NFX1: variants seen among roughly 807,000 people sequenced by gnomAD.
NFX1 encodes nuclear transcription factor, X-box binding 1.
NFX1 carries 69 observed loss-of-function variants against 137.2 expected under a neutral mutation model. The ratio of observed to expected loss-of-function variants is 0.50; its 90% CI spans 0.41 to 0.61. NFX1 has a LOEUF of 0.61. Among genes scored for constraint, NFX1 ranks in the 20% least tolerant of loss-of-function variants. NFX1 has a pLI of 0.00. For synonymous variants in NFX1, 495 were observed against 474.1 expected (o/e 1.04, Z -0.57); for missense variants, 1,167 against 1,391.0 (o/e 0.84, Z 2.56).
chr9:33,368,751 G>C (rs570860319), intron 23 of NFX1, among the ~76,000 whole-genome samples: 1 of 152,202 alleles, frequency 6.6e-6, no homozygotes, highest in South Asian at 2.1e-4. Flanking sequence ...CCTCTGAAGG[G>C]TGGTTACGGC....
chr9:33,291,855 A>G (rs549851409), intron 1 of NFX1, among the ~76,000 whole-genome samples: 1 of 152,308 alleles, frequency 6.6e-6, no homozygotes, highest in East Asian at 1.9e-4. Context: ...GTGAGCCAAG[A>G]TCGTGCCACT....
intron 19 of NFX1, among the ~76,000 whole-genome samples, chr9:33,362,788 C>G (rs532398279): frequency 1.4e-5 from 2 of 140,556 alleles, no homozygotes. Flanking sequence ...ACTGCAAGCT[C>G]TGCCTCCCGG....
In NFX1 at chr9:33,292,313, C is replaced by T. The variant is rs964629007; in HGVS notation, c.25+1716C>T. Among the ~76,000 whole-genome samples the T allele has an allele frequency of 1.8e-4, 28 of 152,346 alleles. 1 individual carries two copies. Among genetic ancestry groups the T allele is most frequent in the African/African-American group, 6.7e-4 (28 of 41,574 alleles). ...ATTTTAGCATCATCTTTAGCCCACA[C>T]CCTCATCATCAAAGTCTTTAAACAG... is the stretch of plus-strand genomic sequence containing the variant. On this transcript the variant is annotated intron_variant, in intron 1 of 23. Transcript: ENST00000379540.
chr9:33,314,739 A>G (rs1311684267), intron 7 of NFX1, among the ~76,000 whole-genome samples: 2 of 152,166 alleles, frequency 1.3e-5, no homozygotes, highest in African/African-American at 2.4e-5. Context: ...ATTTTTCATA[A>G]TAAAAATTAG....
At chr9:33,325,711 T>G (rs1404964797) in intron 9 of NFX1, among the ~76,000 whole-genome samples, 1 of 152,062 alleles carries the variant, frequency 6.6e-6, no homozygotes, top group Non-Finnish European at 1.5e-5. Flanking sequence ...GAATCTTACA[T>G]CTCATGAAAC....
At position 33,294,580 on chromosome 9, in the gene NFX1, T is replaced by C. The variant is rs769042634; in HGVS notation, c.186T>C (p.Tyr62=). Residue 62 remains tyrosine, a synonymous_variant, in exon 2 of 24, where the codon TAT becomes TAC. Transcript: ENST00000379540. ...PPCHLSRQVP[Y]DEISAVHQHS... Reference sequence around the variant, plus strand: ...GTCACCTTTCCAGGCAGGTCCCTTATGATGAAATCTCTGCTGTTCATCAGC... The same window carrying C: ...GTCACCTTTCCAGGCAGGTCCCTTACGATGAAATCTCTGCTGTTCATCAGC... The C allele has an allele frequency of 6.2e-7, 1 of 1,614,202 alleles. No individual in the cohort carries two copies. Among genetic ancestry groups the C allele is most frequent in the Non-Finnish European group, 8.5e-7 (1 of 1,180,038 alleles).
At chr9:33,301,468 C>T (rs771993876) in intron 3 of NFX1, 47 bp downstream of exon 3, 50 of 1,559,178 alleles carry the variant, frequency 3.2e-5, no homozygotes, top group Non-Finnish European at 4.1e-5. Context: ...CTATTTGATA[C>T]GTTTAAGTAT....
At chr9:33,357,689 G>C (rs1027793694) in intron 19 of NFX1, among the ~76,000 whole-genome samples, 2 of 151,012 alleles carry the variant, frequency 1.3e-5, no homozygotes, top group Non-Finnish European at 2.9e-5. Context: ...ACACCACTAC[G>C]CCTGGCTAAG....
chr9:33,346,946 A>C (rs1412013814), intron 14 of NFX1, 92 bp from the exon 15 acceptor site: 35 of 907,342 alleles, frequency 3.9e-5, no homozygotes, highest in Non-Finnish European at 5.4e-5. Flanking sequence ...TGAATTTAAA[A>C]GTTTCATGCC....
rs1821786154 is a variant in NFX1, at chr9:33,307,274, C to G, written c.1351C>G (p.Gln451Glu). 6.2e-7 allele frequency: 1 copy of G among 1,613,962 alleles called. No individual in the cohort carries two copies. The highest frequency in any genetic ancestry group is 8.5e-7 in the Non-Finnish European group (1 of 1,179,966). ...GGTTTGTAGAAAGAAACAGCCTGGCCAGGACTGCCCACATTCCTGTAACCT... is the reference window on the plus strand; with the variant it reads ...GGTTTGTAGAAAGAAACAGCCTGGCGAGGACTGCCCACATTCCTGTAACCT... ...GEVCRKKQPGQDCPHSCNLLC... is the reference protein window; with the variant it reads ...GEVCRKKQPGEDCPHSCNLLC... The change falls in exon 5 of 24, where the codon CAG becomes GAG. Residue 451 changes from glutamine (Q) to glutamate (E), a missense_variant. By Grantham distance (29) the Gln-to-Glu change is conservative. Around this residue, in one of 3 missense-constraint regions of NFX1, gnomAD observed 488 missense variants for 691.5 expected, o/e 0.71. Transcript: ENST00000379540.
rs761869989 is a variant in NFX1, at chr9:33,371,107, A to G, written c.*1129A>G. 6.6e-6 allele frequency: 1 copy of G among 152,188 alleles called. No individual in the cohort carries two copies. Among genetic ancestry groups the G allele is most frequent in the Non-Finnish European group, 1.5e-5 (1 of 68,038 alleles). The allele number at this position is 152,188 out of a possible 1,614,324, so 9.4% of individuals were successfully genotyped here. A position where few individuals can be genotyped will look rare whatever the true frequency, so the allele number is the denominator to read the frequency against. On this transcript the variant is annotated 3_prime_UTR_variant, in exon 24 of 24. Coordinates refer to ENST00000379540, the MANE Select transcript of NFX1 (RefSeq NM_002504.6). ...CCAGAGCAGTAGCAGGAGACTTGAG[A>G]AGTAGAGTGACAAAAACAAGCACTT...
intron 12 of NFX1, 133 bp from the exon 13 acceptor site, chr9:33,342,613 T>G: frequency 1.5e-6 from 1 of 673,510 alleles, no homozygotes; most frequent in Non-Finnish European, 2.5e-6. Flanking sequence ...CTTCTGTGGC[T>G]ATTTTGAAGG....
At chr9:33,363,298 A>ATTATTT (rs1824068421) in intron 19 of NFX1, among the ~76,000 whole-genome samples, 1 of 146,512 alleles carries the variant, frequency 6.8e-6, no homozygotes, top group South Asian at 2.2e-4. Context: ...TATTATTATT[A>ATTATTT]TTTTTAGACA....
At chr9:33,341,476 A>G (rs550262425) in intron 12 of NFX1, among the ~76,000 whole-genome samples, 1 of 152,344 alleles carries the variant, frequency 6.6e-6, no homozygotes, top group South Asian at 2.1e-4. Flanking sequence ...ATATATATAC[A>G]TAAACAAGGT....
intron 3 of NFX1, among the ~76,000 whole-genome samples, 198 bp downstream of exon 3, chr9:33,301,619 A>G (rs1821570144): frequency 6.6e-6 from 1 of 152,242 alleles, no homozygotes; most frequent in Non-Finnish European, 1.5e-5. Context: ...CAACAATATT[A>G]AAATATATTT....
intron 6 of NFX1, among the ~76,000 whole-genome samples, chr9:33,312,274 A>T (rs1179729464): frequency 6.6e-6 from 1 of 152,170 alleles, no homozygotes; most frequent in African/African-American, 2.4e-5. Flanking sequence ...CTGGTTGTTG[A>T]TTCTGGGCAA....
intron 9 of NFX1, among the ~76,000 whole-genome samples, chr9:33,323,931 A>C (rs1043013494): frequency 1.3e-5 from 2 of 152,254 alleles, no homozygotes; most frequent in Non-Finnish European, 1.5e-5. Context: ...GAAGTTTAAA[A>C]GTAGGATAAC....
In NFX1 at chr9:33,294,748, C is replaced by T. The variant is rs1354870998; in HGVS notation, c.354C>T (p.Val118=). Residue 118 remains valine (V), a synonymous_variant, in exon 2 of 24, where the codon GTC becomes GTT. Coordinates refer to ENST00000379540, the MANE Select transcript of NFX1 (RefSeq NM_002504.6). ...KLRNEKHHIR[V]KKAQSLAEQT... ...GGAATGAGAAGCACCATATCAGAGT[C>T]AAGAAAGCACAGAGTCTTGCTGAGC... 1.2e-6 allele frequency: 2 copies of T among 1,613,980 alleles called. No individual in the cohort carries two copies. Among genetic ancestry groups the T allele is most frequent in the South Asian group, 1.1e-5 (1 of 91,076 alleles).
intron 13 of NFX1, among the ~76,000 whole-genome samples, chr9:33,343,614 T>C (rs1323424787): frequency 1.3e-5 from 2 of 152,248 alleles, no homozygotes; most frequent in Non-Finnish European, 2.9e-5. Context: ...TCGGTGTTTT[T>C]ATTCTCTGTC....
Sources: allele counts gnomAD v4.1 joint callset (sites outside exome capture counted in the v4.1 genomes callset), GRCh38; gene constraint gnomAD v4.1.1; regional missense constraint gnomAD v4.1.1; transcripts MANE v1.5; gene names NCBI Gene and HGNC (gene_info 2026-07-23, HGNC 2026-07-21).